The following ESRRG variants were observed in gnomAD, a reference collection of about 807,000 sequenced individuals.
ESRRG encodes the protein estrogen-related receptor gamma.
A neutral mutation model predicts 44.0 loss-of-function variants in ESRRG; 13 were observed. The ratio of observed to expected loss-of-function variants is 0.30; its 90% CI spans 0.19 to 0.47. The LOEUF (loss-of-function observed/expected upper bound fraction) is 0.47. Ranked by LOEUF, ESRRG falls within the 20% of genes least tolerant of loss-of-function variation. The pLI is 1.00. For synonymous variants in ESRRG, 215 were observed against 214.6 expected, an observed-to-expected ratio of 1.00 and a Z score of -0.02; for missense variants, 395 against 580.6, an observed-to-expected ratio of 0.68 and a Z score of 3.29.
chr1:216,811,018 C>A (rs1333714045), intron 2 of ESRRG, among the ~76,000 whole-genome samples: 3 of 151,908 alleles, frequency 2.0e-5, no homozygotes, highest in Admixed American at 2.0e-4. Context: ...TCACTGGGCA[C>A]TGTTTTGAGA....
intron 2 of ESRRG, among the ~76,000 whole-genome samples, chr1:216,781,756 C>T (rs950287661): frequency 2.6e-5 from 4 of 151,942 alleles, no homozygotes; most frequent in African/African-American, 9.7e-5. Context: ...AGACAAAAAC[C>T]ATAGGGGAGT....
intron 6 of ESRRG, among the ~76,000 whole-genome samples, chr1:216,511,834 G>A (rs1180642756): frequency 6.6e-6 from 1 of 151,980 alleles, no homozygotes; most frequent in Non-Finnish European, 1.5e-5. Context: ...AAAAAAATGG[G>A]ACAATTTGGG....
At chr1:216,593,002 C>A (rs11117631) in intron 3 of ESRRG, among the ~76,000 whole-genome samples, 1 of 152,132 alleles carries the variant, frequency 6.6e-6, no homozygotes, top group East Asian at 1.9e-4. Context: ...TTGTGAATTA[C>A]AGTGAGTACT....
intron 1 of ESRRG, among the ~76,000 whole-genome samples, chr1:217,122,842 C>A (rs1034225678): frequency 2.1e-4 from 31 of 150,736 alleles, no homozygotes; most frequent in African/African-American, 6.9e-4. Flanking sequence ...AGCTAATTTT[C>A]TTTTTTCTTT....
At chr1:216,967,286 G>A (rs944461296) in intron 1 of ESRRG, among the ~76,000 whole-genome samples, 2 of 151,874 alleles carry the variant, frequency 1.3e-5, no homozygotes, top group African/African-American at 4.8e-5. Context: ...TTACTTCTTG[G>A]GGTTATATAA....
intron 1 of ESRRG, among the ~76,000 whole-genome samples, chr1:216,979,701 G>C (rs190177262): frequency 9.2e-5 from 14 of 152,162 alleles, no homozygotes; most frequent in African/African-American, 3.4e-4. Context: ...TGAATTAATA[G>C]ATGTAAAGGA....
chr1:216,707,503 A>G (rs1448382322), intron 1 of ESRRG: 1 of 1,525,506 alleles, frequency 6.6e-7, no homozygotes, highest in Non-Finnish European at 8.8e-7. Context: ...AGCCAAAACC[A>G]GAAAGTTAGG....
intron 2 of ESRRG, among the ~76,000 whole-genome samples, chr1:216,818,084 C>G (rs1192059611): frequency 6.6e-6 from 1 of 152,152 alleles, no homozygotes; most frequent in African/African-American, 2.4e-5. Context: ...CACATTTCCT[C>G]ACACCTCAAA....
chr1:216,551,772 T>C (rs2056399385), intron 5 of ESRRG, among the ~76,000 whole-genome samples: 2 of 152,168 alleles, frequency 1.3e-5, no homozygotes, highest in Admixed American at 6.5e-5. Flanking sequence ...AGAGATATAG[T>C]AGAGAGGCTG....
chr1:216,626,045 T>G (rs1342149044), intron 3 of ESRRG, among the ~76,000 whole-genome samples: 1 of 152,216 alleles, frequency 6.6e-6, no homozygotes, highest in Non-Finnish European at 1.5e-5. Context: ...TGACATCCCA[T>G]GCATTCCTCA....
chr1:216,854,970 A>G (rs2095904482), intron 2 of ESRRG: 1 of 152,168 alleles, frequency 6.6e-6, no homozygotes, highest in South Asian at 2.1e-4. Flanking sequence ...ACTTTTGGTC[A>G]CACTGAGCAA....
chr1:216,779,209 AAATAT>A (rs1559602674), intron 2 of ESRRG, among the ~76,000 whole-genome samples: 10 of 63,114 alleles, frequency 1.6e-4, no homozygotes, highest in African/African-American at 7.0e-4. Flanking sequence ...TTATAAATAT[AAATAT>A]ATATTTATAT....
Position 217,086,892 on chromosome 1 carries a change from G to T in ESRRG, c.-106+2615C>A, listed in dbSNP as rs903890539. On this transcript the variant is annotated intron_variant, in intron 1 of 7. Coordinates refer to the ESRRG transcript ENST00000359162. ...AACCTCCTTGGATATGATTTGTTTT[G>T]CATCTAACAGAGTCAAACACACAAG... Among the ~76,000 whole-genome samples, 4 of 151,310 alleles carry T rather than the reference G, an allele frequency of 2.6e-5. No homozygotes were observed. In the South Asian group the frequency reaches 8.5e-4, roughly 32 times the overall value.
chr1:216,601,207 C>T (rs1315460111), intron 3 of ESRRG, among the ~76,000 whole-genome samples: 2 of 152,060 alleles, frequency 1.3e-5, no homozygotes, highest in African/African-American at 4.8e-5. Flanking sequence ...GCTCCATGGA[C>T]AGCTGGGTGG....
intron 1 of ESRRG, among the ~76,000 whole-genome samples, chr1:217,004,862 C>T (rs544277088): frequency 1.0e-3 from 152 of 152,180 alleles, no homozygotes; most frequent in African/African-American, 3.3e-3. Flanking sequence ...TTTGAAATCA[C>T]GGGACTAAAA....
At chr1:216,960,133 A>G (rs1021309778) in intron 1 of ESRRG, among the ~76,000 whole-genome samples, 1 of 107,466 alleles carries the variant, frequency 9.3e-6, no homozygotes, top group African/African-American at 2.7e-5. Flanking sequence ...AAAGTCTGTA[A>G]TGTAAAAAAA....
chr1:216,670,824 G>T (rs938497396), intron 2 of ESRRG, among the ~76,000 whole-genome samples: 2 of 152,104 alleles, frequency 1.3e-5, no homozygotes, highest in Non-Finnish European at 2.9e-5. Context: ...AAAGAAAGGG[G>T]ATGGGCTGCA....
rs143626425 is a variant in ESRRG at position 216,580,563 on chromosome 1, A to T, written c.590-12465T>A. ...AGATACTGAATATTGAACAAGAAAG[A>T]TCATAGATTGCTATACTTGGGAAAT... On this transcript the variant is annotated intron_variant, in intron 3 of 6. Transcript: ENST00000408911. Among the ~76,000 whole-genome samples the T allele has an allele frequency of 2.0e-5, 3 of 152,336 alleles. No individual in the cohort carries two copies. In the East Asian group the frequency reaches 5.8e-4, roughly 29 times the overall value.
intron 2 of ESRRG, among the ~76,000 whole-genome samples, chr1:216,908,293 A>G (rs1297319261): frequency 1.3e-5 from 2 of 152,228 alleles, no homozygotes; most frequent in African/African-American, 2.4e-5. Flanking sequence ...AGCACTCTGC[A>G]TGGACTTTGC....
Sources: gnomAD v4.1 joint callset for allele counts (sites outside exome capture counted in the v4.1 genomes callset) on GRCh38, gnomAD v4.1.1 for gene constraint, MANE v1.5 for transcripts, NCBI Gene and HGNC (gene_info 2026-07-23, HGNC 2026-07-21) for gene names.